The following AIG1 variants were observed in gnomAD, a reference collection of about 807,000 sequenced individuals.
The protein encoded by AIG1 is androgen induced 1.
In AIG1, 23 loss-of-function variants were observed where a neutral mutation model predicts 31.4. The observed-to-expected ratio is 0.73, with a 90% CI of 0.53 to 1.04. The LOEUF is 1.04. Ranked by LOEUF, AIG1 falls within the 50% of genes least tolerant of loss-of-function variation. The pLI, the probability that AIG1 is intolerant of heterozygous loss-of-function variation, is 0.00. For synonymous variants in AIG1, 100 were observed against 110.5 expected, an observed-to-expected ratio of 0.90 and a Z score of 0.60; for missense variants, 274 against 295.0, an observed-to-expected ratio of 0.93 and a Z score of 0.52.
intron 3 of AIG1, among the ~76,000 whole-genome samples, chr6:143,201,848 T>C (rs1210691024): frequency 6.6e-6 from 1 of 152,210 alleles, no homozygotes; most frequent in African/African-American, 2.4e-5. Flanking sequence ...CTGCTTCTAG[T>C]TCCACCTCAG....
chr6:143,190,288 G>A, intron 3 of AIG1: 2 of 985,468 alleles, frequency 2.0e-6, no homozygotes, highest in Non-Finnish European at 1.2e-6. Context: ...TAGGAGTCGA[G>A]AAACAGAATA....
At chr6:143,281,192 C>T (rs1311405377) in intron 3 of AIG1, among the ~76,000 whole-genome samples, 1 of 152,180 alleles carries the variant, frequency 6.6e-6, no homozygotes, top group African/African-American at 2.4e-5. Flanking sequence ...TATCCTACCT[C>T]CAGACCTACT....
chr6:143,154,724 G>A (rs9403450), intron 2 of AIG1, among the ~76,000 whole-genome samples: 18,476 of 152,148 alleles, frequency 0.12, 1,109 homozygotes, highest in South Asian at 0.21. Context: ...TGGTTTTGAG[G>A]ATGTACCATG....
intron 3 of AIG1, among the ~76,000 whole-genome samples, chr6:143,166,911 C>G (rs1484322776): frequency 2.0e-5 from 3 of 152,142 alleles, no homozygotes; most frequent in Non-Finnish European, 4.4e-5. Context: ...TATCTGGCCT[C>G]AAATGTGTGG....
At chr6:143,253,570 TATAA>T (rs1186048624) in intron 3 of AIG1, among the ~76,000 whole-genome samples, 3 of 152,230 alleles carry the variant, frequency 2.0e-5, no homozygotes, top group African/African-American at 7.2e-5. Context: ...CCACAGTGCA[TATAA>T]ATAGATTATT....
Position 143,227,159 on chromosome 6 carries a change from CT to C in AIG1, c.400-56950del, listed in dbSNP as rs1793044059. ...CTGAACTTCTATCATCAAATTAAGTCTCTTGAACAAAGGTAAAAGACTTCTT... is the reference window on the plus strand; with the variant it reads ...CTGAACTTCTATCATCAAATTAAGTCCTTGAACAAAGGTAAAAGACTTCTT... On this transcript the variant is annotated intron_variant, in intron 3 of 5. Transcript: ENST00000357847. Among the ~76,000 whole-genome samples the C allele has an allele frequency of 3.3e-5, 5 of 152,220 alleles. No homozygotes were observed. The South Asian group carries it at 1.0e-3, about 32-fold the overall frequency.
intron 1 of AIG1, among the ~76,000 whole-genome samples, chr6:143,112,747 A>T (rs1024444342): frequency 1.3e-5 from 2 of 152,186 alleles, no homozygotes; most frequent in African/African-American, 2.4e-5. Context: ...TCTCCAGGAA[A>T]ACTCCTGGCA....
At chr6:143,195,786 A>G (rs1317930326) in intron 3 of AIG1, among the ~76,000 whole-genome samples, 5 of 150,990 alleles carry the variant, frequency 3.3e-5, no homozygotes, top group Non-Finnish European at 5.9e-5. Context: ...CTGACCAGAC[A>G]AGGACAGTGG....
chr6:143,296,233 G>A (rs1045819480), intron 4 of AIG1, among the ~76,000 whole-genome samples: 11 of 152,150 alleles, frequency 7.2e-5, no homozygotes, highest in African/African-American at 1.9e-4. Context: ...ATTGCCAACT[G>A]AAGCTGATAA....
intron 4 of AIG1, among the ~76,000 whole-genome samples, chr6:143,294,748 AC>A (rs904169079): frequency 6.6e-6 from 1 of 150,448 alleles, no homozygotes; most frequent in African/African-American, 2.5e-5. Context: ...ACTAAAACAA[AC>A]CCCCCCTCTT....
chr6:143,082,269 C>T (rs981056299), intron 1 of AIG1, among the ~76,000 whole-genome samples: 7 of 152,156 alleles, frequency 4.6e-5, no homozygotes, highest in East Asian at 3.9e-4. Flanking sequence ...CTGAACACTG[C>T]GTAAGCCGCC....
chr6:143,068,137 T>G (rs1245544688), intron 1 of AIG1, among the ~76,000 whole-genome samples: 1 of 152,222 alleles, frequency 6.6e-6, no homozygotes, highest in African/African-American at 2.4e-5. Context: ...CTAGTTGAGG[T>G]CACTTCTTTT....
At chr6:143,146,728 GC>G (rs1289831327) in intron 2 of AIG1, among the ~76,000 whole-genome samples, 1 of 152,146 alleles carries the variant, frequency 6.6e-6, no homozygotes, top group East Asian at 1.9e-4. Flanking sequence ...TGTTACATCA[GC>G]TGATAAAAAA....
At chr6:143,313,129 T>G (rs1193151084) in intron 4 of AIG1, among the ~76,000 whole-genome samples, 1 of 152,122 alleles carries the variant, frequency 6.6e-6, no homozygotes, top group Admixed American at 6.5e-5. Context: ...GTACAGCCAC[T>G]ATGGAAAACA....
chr6:143,299,610 G>A lies in AIG1; in HGVS notation c.515+15385G>A, dbSNP rs1255751342. On this transcript the variant is annotated intron_variant, in intron 4 of 5. Coordinates refer to ENST00000357847, the MANE Select transcript of AIG1 (RefSeq NM_016108.4). The surrounding 1 kb of genome is among the most constrained non-coding windows in gnomAD (Gnocchi z 4.1). Reference sequence around the variant, plus strand: ...TGCTTAAAGAGAGAAATGAGTAGCAGAGGGATTTCAAGCCACTGAGAGGGT... The same window carrying A: ...TGCTTAAAGAGAGAAATGAGTAGCAAAGGGATTTCAAGCCACTGAGAGGGT... The A allele has an allele frequency of 6.6e-6, 1 of 152,212 alleles. No homozygotes were observed. The highest frequency in any genetic ancestry group is 1.5e-5 in the Non-Finnish European group (1 of 68,038). 9.4% of individuals were successfully genotyped at this position (152,212 alleles called of 1,614,324 possible). A position where few individuals can be genotyped will look rare whatever the true frequency, so the allele number is the denominator to read the frequency against.
chr6:143,319,516 G>A (rs1323139277), intron 4 of AIG1, among the ~76,000 whole-genome samples: 2 of 152,102 alleles, frequency 1.3e-5, no homozygotes, highest in Non-Finnish European at 2.9e-5. Context: ...TACACGTTGG[G>A]TACAATGTAC....
upstream of AIG1, chr6:143,060,807 C>CCGCCCCGCCCCGCGCCCG (rs1776159131): frequency 7.7e-6 from 1 of 129,526 alleles, no homozygotes; most frequent in Non-Finnish European, 1.6e-5. Flanking sequence ...CGCCCCCGCC[C>CCGCCCCGCCCCGCGCCCG]CGCCCCGCCC....
chr6:143,197,623 T>A (rs1029390890), intron 3 of AIG1, among the ~76,000 whole-genome samples: 1 of 152,214 alleles, frequency 6.6e-6, no homozygotes, highest in Non-Finnish European at 1.5e-5. Flanking sequence ...GAGTGGACAT[T>A]ATGTAATAAT....
intron 1 of AIG1, among the ~76,000 whole-genome samples, chr6:143,133,391 A>C (rs1367361982): frequency 6.6e-6 from 1 of 152,236 alleles, no homozygotes; most frequent in African/African-American, 2.4e-5. Context: ...ACTGGAATAC[A>C]TCTCTATCCT....
Sources: allele counts gnomAD v4.1 joint callset (sites outside exome capture counted in the v4.1 genomes callset), GRCh38; gene constraint gnomAD v4.1.1; non-coding constraint Gnocchi (gnomAD v3.1); transcripts MANE v1.5; gene names NCBI Gene and HGNC (gene_info 2026-07-23, HGNC 2026-07-21).